UTRN: variants seen among roughly 807,000 people sequenced by gnomAD.
The protein encoded by UTRN is dystrophin-related protein 1.
UTRN carries 283 observed loss-of-function variants against 463.9 expected under a neutral mutation model. That is an observed-to-expected ratio of 0.61 (90% CI 0.55 to 0.67). The LOEUF is 0.67. Among genes scored for constraint, UTRN ranks in the 30% least tolerant of loss-of-function variants. UTRN has a pLI of 0.00. For missense variants in UTRN, 3,922 were observed against 4,084.3 expected, an observed-to-expected ratio of 0.96 and a Z score of 1.08; for synonymous variants, 1,442 against 1,431.5, an observed-to-expected ratio of 1.01 and a Z score of -0.17.
intron 48 of UTRN, among the ~76,000 whole-genome samples, chr6:144,553,611 G>A (rs1799116384): frequency 1.3e-5 from 2 of 152,050 alleles, no homozygotes; most frequent in Admixed American, 1.3e-4. Context: ...ACTCTGAAGT[G>A]ATTAATAAAA....
At chr6:144,532,644 A>C (rs1797169135) in intron 42 of UTRN, among the ~76,000 whole-genome samples, 1 of 152,206 alleles carries the variant, frequency 6.6e-6, no homozygotes. Flanking sequence ...ATATCTTAGT[A>C]AAATGTGCAT....
intron 52 of UTRN, among the ~76,000 whole-genome samples, chr6:144,695,952 C>G (rs1305660373): frequency 6.6e-6 from 1 of 152,086 alleles, no homozygotes; most frequent in Non-Finnish European, 1.5e-5. Flanking sequence ...TAATATAGAT[C>G]TTTATTAACA....
At chr6:144,797,439 C>T (rs1777328907) in intron 63 of UTRN, among the ~76,000 whole-genome samples, 2 of 152,164 alleles carry the variant, frequency 1.3e-5, no homozygotes, top group Admixed American at 6.5e-5. Context: ...AGGCAATCCG[C>T]TTGCCTCGGC....
intron 50 of UTRN, among the ~76,000 whole-genome samples, chr6:144,576,177 C>A (rs1004439233): frequency 2.0e-5 from 3 of 152,074 alleles, no homozygotes; most frequent in African/African-American, 7.2e-5. Context: ...TAGGTTGATT[C>A]TACTAGTTGG....
intron 65 of UTRN, among the ~76,000 whole-genome samples, chr6:144,807,130 T>G (rs557669416): frequency 6.6e-6 from 1 of 152,206 alleles, no homozygotes; most frequent in South Asian, 2.1e-4. Flanking sequence ...GCATCTCCCT[T>G]TTTAGTTAAG....
At chr6:144,754,668 T>A in intron 56 of UTRN, 52 bp from the exon 57 acceptor site, 2 of 1,578,206 alleles carry the variant, frequency 1.3e-6, no homozygotes, top group Non-Finnish European at 1.7e-6. Flanking sequence ...TTATTAAAGT[T>A]ATTGTTTCGG....
intron 58 of UTRN, among the ~76,000 whole-genome samples, chr6:144,770,439 C>T (rs555976259): frequency 9.8e-4 from 149 of 152,246 alleles, no homozygotes; most frequent in Middle Eastern, 3.4e-3. Context: ...TAATATCACT[C>T]TCTTAGGTAC....
intron 2 of UTRN, among the ~76,000 whole-genome samples, chr6:144,350,635 C>A (rs9321970): frequency 0.48 from 72,985 of 152,024 alleles, 20,427 homozygotes; most frequent in Non-Finnish European, 0.61. Flanking sequence ...TGGAACTGAA[C>A]TTCTCTGCAT....
At chr6:144,379,538 G>A (rs535916633) in intron 2 of UTRN, among the ~76,000 whole-genome samples, 1 of 152,318 alleles carries the variant, frequency 6.6e-6, no homozygotes, top group African/African-American at 2.4e-5. Context: ...ATGGCTGTGA[G>A]CTTCTCTTAG....
At chr6:144,619,731 CAAA>C (rs1562658788) in intron 51 of UTRN, among the ~76,000 whole-genome samples, 2 of 152,066 alleles carry the variant, frequency 1.3e-5, no homozygotes, top group Non-Finnish European at 2.9e-5. Context: ...AGTTAGATGA[CAAA>C]GAAGAAGACA....
At chr6:144,349,345 G>C (rs1470623275) in intron 2 of UTRN, among the ~76,000 whole-genome samples, 3 of 152,142 alleles carry the variant, frequency 2.0e-5, no homozygotes, top group Non-Finnish European at 4.4e-5. Flanking sequence ...TGGCCCTCAA[G>C]ATCTGGGTTT....
chr6:144,601,223 CTTA>C (rs915104784), intron 51 of UTRN, among the ~76,000 whole-genome samples: 6 of 152,100 alleles, frequency 3.9e-5, no homozygotes, highest in African/African-American at 9.7e-5. Context: ...ATTTTCAAGT[CTTA>C]TTATTTAAGA....
chr6:144,409,780 TTTG>T (rs1783720795), intron 3 of UTRN, among the ~76,000 whole-genome samples: 1 of 152,182 alleles, frequency 6.6e-6, no homozygotes, highest in African/African-American at 2.4e-5. Flanking sequence ...GACATTTATT[TTTG>T]TTATTATTTG....
intron 7 of UTRN, among the ~76,000 whole-genome samples, chr6:144,426,951 A>G (rs1785348121): frequency 6.6e-6 from 1 of 152,240 alleles, no homozygotes; most frequent in African/African-American, 2.4e-5. Context: ...AATACTTTCC[A>G]AAAAGAAACC....
At chr6:144,732,573 T>C (rs896699897) in intron 54 of UTRN, among the ~76,000 whole-genome samples, 2 of 152,122 alleles carry the variant, frequency 1.3e-5, no homozygotes, top group African/African-American at 2.4e-5. Flanking sequence ...TCTCCCCTGA[T>C]TATACATCTT....
At position 144,438,774 on chromosome 6, in the gene UTRN, A is replaced by C; in HGVS notation, c.1271A>C (p.Lys424Thr). The change falls in exon 12 of 75, where the codon AAG (lysine) becomes ACG (threonine). Residue 424 changes from lysine to threonine, a missense_variant. Transcript: ENST00000367545. Reference protein sequence around the residue: ...RLHDVLMELQKKQLQQLSAWL... With the variant: ...RLHDVLMELQTKQLQQLSAWL... The stretch of plus-strand genomic sequence containing the variant: ...CACGATGTGCTGATGGAACTGCAGA[A>C]GAAGCAACTGCAGCAGCTCTCCGCC... 6.2e-7 allele frequency: 1 copy of C among 1,614,258 alleles called. No homozygotes were observed. The highest frequency in any genetic ancestry group is 1.7e-5 in the Admixed American group (1 of 60,032).
chr6:144,317,737 G>T (rs1459461023), intron 2 of UTRN, among the ~76,000 whole-genome samples: 2 of 152,150 alleles, frequency 1.3e-5, no homozygotes, highest in African/African-American at 4.8e-5. Flanking sequence ...TGTTGTAATA[G>T]AGATTAGTAC....
chr6:144,716,136 TA>T (rs1786418369), intron 53 of UTRN, among the ~76,000 whole-genome samples: 1 of 152,204 alleles, frequency 6.6e-6, no homozygotes, highest in Middle Eastern at 3.2e-3. Flanking sequence ...TTCTCTATCT[TA>T]ATACTGCCTA....
intron 59 of UTRN, among the ~76,000 whole-genome samples, chr6:144,773,029 G>T (rs1794258968): frequency 6.6e-6 from 1 of 151,732 alleles, no homozygotes; most frequent in Admixed American, 6.6e-5. Context: ...ACAAACAAAA[G>T]ACATAGAACT....
Sources: allele counts gnomAD v4.1 joint callset (sites outside exome capture counted in the v4.1 genomes callset), GRCh38; gene constraint gnomAD v4.1.1; transcripts MANE v1.5; gene names NCBI Gene and HGNC (gene_info 2026-07-23, HGNC 2026-07-21).